Variants in TBC1D8 observed in about 807,000 individuals in gnomAD.
The protein encoded by TBC1D8 is TBC1 domain family member 8.
Under a neutral mutation model 118.8 loss-of-function variants are expected in TBC1D8, and 65 were observed. That is an observed-to-expected ratio of 0.55 (90% confidence interval 0.45 to 0.67). TBC1D8 has a LOEUF of 0.67. Ranked by LOEUF, TBC1D8 falls within the 30% of genes least tolerant of loss-of-function variation. The pLI is 0.00. For synonymous variants in TBC1D8, 566 were observed against 595.8 expected, an observed-to-expected ratio of 0.95 and a Z score of 0.73; for missense variants, 1,376 against 1,471.2, an observed-to-expected ratio of 0.94 and a Z score of 1.06.
At position 101,033,383 on chromosome 2, in the gene TBC1D8, G is replaced by A. The variant is rs534578675; in HGVS notation, c.1818+161C>T. 25 of 822,130 alleles carry A rather than the reference G, an allele frequency of 3.0e-5. No homozygotes were observed. The Admixed American group carries it at 4.6e-4, about 15-fold the overall frequency. 50.9% of individuals were successfully genotyped at this position (822,130 alleles called of 1,614,324 possible). ...TGATTATAAGATGAGTAGTCCCTTT[G>A]GCCCTCATTTGATACTTTCTTTCCG... On this transcript the variant is annotated intron_variant, in intron 10 of 19. Coordinates refer to ENST00000409318, the MANE Select transcript of TBC1D8 (RefSeq NM_001330348.2).
At chr2:101,124,968 A>T (rs904190097) in intron 1 of TBC1D8, among the ~76,000 whole-genome samples, 1 of 152,086 alleles carries the variant, frequency 6.6e-6, no homozygotes, top group Non-Finnish European at 1.5e-5. Context: ...TTCAATAACC[A>T]AACTATCCCA....
At chr2:101,061,511 C>G (rs1486027651) in intron 2 of TBC1D8, among the ~76,000 whole-genome samples, 1 of 152,222 alleles carries the variant, frequency 6.6e-6, no homozygotes, top group African/African-American at 2.4e-5. Context: ...TTGGCCAAAG[C>G]AGTATCCTTC....
intron 2 of TBC1D8, among the ~76,000 whole-genome samples, chr2:101,075,490 T>G (rs868231716): frequency 2.0e-4 from 30 of 152,078 alleles, no homozygotes; most frequent in African/African-American, 6.7e-4. Context: ...TTCCCACAAT[T>G]CCCACGTGTC....
intron 11 of TBC1D8, among the ~76,000 whole-genome samples, chr2:101,030,736 G>C (rs963346167): frequency 6.6e-6 from 1 of 152,138 alleles, no homozygotes; most frequent in Non-Finnish European, 1.5e-5. Flanking sequence ...TCCAAGACTG[G>C]AAACAACTCA....
chr2:101,087,150 C>T lies in TBC1D8; in HGVS notation c.283+3059G>A, dbSNP rs148319998. ...GGCTGCATTCAAAGCCCTCCTGGGC[C>T]GCACGCAACCAGCAGGCCACAGGTT... On this transcript the variant is annotated intron_variant, in intron 2 of 19. Transcript: ENST00000409318. Among the ~76,000 whole-genome samples the T allele has an allele frequency of 5.8e-3, 890 of 152,284 alleles. 11 individuals are homozygous for T. Among genetic ancestry groups the T allele is most frequent in the African/African-American group, 0.02 (825 of 41,562 alleles).
At chr2:101,012,869 T>A (rs1284513889) in intron 17 of TBC1D8, among the ~76,000 whole-genome samples, 5 of 152,226 alleles carry the variant, frequency 3.3e-5, no homozygotes, top group Non-Finnish European at 7.3e-5. Context: ...AAGCTACCCT[T>A]ACTTTTTCCA....
intron 1 of TBC1D8, among the ~76,000 whole-genome samples, chr2:101,134,170 TTCTCTCTCTC>T (rs34487679): frequency 3.2e-5 from 4 of 126,216 alleles, no homozygotes; most frequent in Non-Finnish European, 3.4e-5. Flanking sequence ...TCTCTTCTCT[TTCTCTCTCTC>T]TCTCTCTCTC....
intron 3 of TBC1D8, among the ~76,000 whole-genome samples, chr2:101,056,245 C>T (rs1558660673): frequency 6.6e-6 from 1 of 150,488 alleles, no homozygotes. Context: ...GCTCTGTCGC[C>T]CAGGCTGGAG....
At chr2:101,135,314 G>T (rs1456694216) in intron 1 of TBC1D8, among the ~76,000 whole-genome samples, 1 of 152,044 alleles carries the variant, frequency 6.6e-6, no homozygotes, top group Non-Finnish European at 1.5e-5. Context: ...TTGGCTAAAT[G>T]AAGACAATCA....
intron 15 of TBC1D8, among the ~76,000 whole-genome samples, chr2:101,027,097 C>G (rs934710244): frequency 1.3e-5 from 2 of 152,186 alleles, no homozygotes; most frequent in African/African-American, 2.4e-5. Flanking sequence ...ATCACAGCAC[C>G]GAAGCCCTCC....
At chr2:101,028,456 C>T in intron 12 of TBC1D8, 24 bp from the exon 13 acceptor site, 2 of 1,533,358 alleles carry the variant, frequency 1.3e-6, no homozygotes, top group Non-Finnish European at 1.8e-6. Context: ...CCCGTCAACG[C>T]CCAAGTCCAT....
At chr2:101,115,888 A>C (rs1677796893) in intron 1 of TBC1D8, among the ~76,000 whole-genome samples, 1 of 152,122 alleles carries the variant, frequency 6.6e-6, no homozygotes, top group African/African-American at 2.4e-5. Context: ...TCTGTTACGC[A>C]CACGCCAGCA....
At chr2:101,078,802 C>T (rs1675049991) in intron 2 of TBC1D8, among the ~76,000 whole-genome samples, 1 of 146,854 alleles carries the variant, frequency 6.8e-6, no homozygotes, top group African/African-American at 2.5e-5. Context: ...CTAACTCCTA[C>T]CTATGAGGAA....
At chr2:101,115,872 CCT>C (rs1244385844) in intron 1 of TBC1D8, among the ~76,000 whole-genome samples, 1 of 152,086 alleles carries the variant, frequency 6.6e-6, no homozygotes, top group Non-Finnish European at 1.5e-5. Context: ...CATCCCATGA[CCT>C]GGATCTGTTA....
chr2:101,057,613 C>T (rs1054988907), intron 3 of TBC1D8, among the ~76,000 whole-genome samples: 1 of 152,162 alleles, frequency 6.6e-6, no homozygotes, highest in African/African-American at 2.4e-5. Context: ...ATTGCTTGAG[C>T]CCAGGAGTTC....
Position 101,050,585 on chromosome 2 carries a change from A to G in TBC1D8, c.688T>C (p.Phe230Leu). 1.9e-6 allele frequency: 3 copies of G among 1,614,040 alleles called. No individual in the cohort carries two copies. The highest frequency in any genetic ancestry group is 2.5e-6 in the Non-Finnish European group (3 of 1,179,902). The stretch of plus-strand genomic sequence containing the variant: ...GTGATTCGGATGGTATCCGTCAGAA[A>G]GACATTGGACGTTCTTTCTAATTTC... ...IQKLERTSNV[F>L]LTDTIRITTQ... The change falls in exon 5 of 20, where the codon TTT (phenylalanine) becomes CTT (leucine). Residue 230 changes from phenylalanine (F) to leucine (L), a missense_variant. By Grantham distance (22) the Phe-to-Leu change is conservative (BLOSUM62 0). Coordinates refer to ENST00000409318, the MANE Select transcript of TBC1D8 (RefSeq NM_001330348.2).
chr2:101,141,413 T>C (rs2104278814), intron 1 of TBC1D8, among the ~76,000 whole-genome samples: 1 of 152,318 alleles, frequency 6.6e-6, no homozygotes, highest in Non-Finnish European at 1.5e-5. Context: ...AAACACACTT[T>C]ACAGTCTATC....
At chr2:101,117,568 CT>C (rs201852112) in intron 1 of TBC1D8, among the ~76,000 whole-genome samples, 34,037 of 119,840 alleles carry the variant, frequency 0.28, 4,177 homozygotes, top group Middle Eastern at 0.37. Context: ...GGAGGCAGAA[CT>C]TTTTTTTTTT....
At position 101,029,685 on chromosome 2, in the gene TBC1D8, C is replaced by T. The variant is rs774358316; in HGVS notation, c.2028G>A (p.Ala676=). ...TCAGGAACCACGAGAGAGAGACGGA[C>T]GCCAGGGCTGAGAGGTCGTTCATGT... ...AEHMNDLSAL[A]SVSLSWFLTL... The change falls in exon 12 of 20, where the codon GCG becomes GCA. Residue 676 remains alanine (A), a synonymous_variant. Transcript: ENST00000409318. The T allele has an allele frequency of 3.7e-5, 59 of 1,613,866 alleles. 1 individual carries two copies. Among genetic ancestry groups the T allele is most frequent in the South Asian group, 1.9e-4 (17 of 91,086 alleles).
Sources: allele counts gnomAD v4.1 joint callset (sites outside exome capture counted in the v4.1 genomes callset), GRCh38; gene constraint gnomAD v4.1.1; transcripts MANE v1.5; gene names NCBI Gene and HGNC (gene_info 2026-07-23, HGNC 2026-07-21).